The following PTPRM variants were observed in gnomAD, a reference collection of about 807,000 sequenced individuals.
PTPRM encodes the protein receptor-type tyrosine-protein phosphatase mu.
PTPRM carries 47 observed loss-of-function variants against 186.7 expected under a neutral mutation model. That is an observed-to-expected ratio of 0.25 (90% CI 0.20 to 0.32). The LOEUF is 0.32. Ranked by LOEUF, PTPRM falls within the 10% of genes least tolerant of loss-of-function variation. PTPRM has a pLI of 1.00. For synonymous variants in PTPRM, 668 were observed against 674.9 expected (o/e 0.99, Z 0.16); for missense variants, 1,494 against 1,865.0 (o/e 0.80, Z 3.66).
At chr18:8,128,066 A>C (rs2092415902) in intron 13 of PTPRM, among the ~76,000 whole-genome samples, 1 of 152,188 alleles carries the variant, frequency 6.6e-6, no homozygotes, top group Admixed American at 6.5e-5. Flanking sequence ...AGTCATTTTC[A>C]GTGTCAGAAG....
At chr18:8,130,165 C>T (rs760558023) in intron 13 of PTPRM, among the ~76,000 whole-genome samples, 8 of 152,154 alleles carry the variant, frequency 5.3e-5, no homozygotes, top group Non-Finnish European at 8.8e-5. Context: ...ATTTGGCGTT[C>T]ATTTCTGATT....
At chr18:7,707,703 C>G (rs545930651) in intron 1 of PTPRM, among the ~76,000 whole-genome samples, 1 of 152,184 alleles carries the variant, frequency 6.6e-6, no homozygotes, top group African/African-American at 2.4e-5. Flanking sequence ...TGTTCATATT[C>G]TTTGTGTTAA....
chr18:7,693,717 A>G lies in PTPRM; in HGVS notation c.74-80432A>G, dbSNP rs1598385773. ...TACAAAGTGGGAGATTGCTGCTATT[A>G]AAGGACTGAAGAAGAGAGTAAATAC... is the stretch of plus-strand genomic sequence containing the variant. On this transcript the variant is annotated intron_variant, in intron 1 of 32. Transcript: ENST00000580170. Among the ~76,000 whole-genome samples the G allele has an allele frequency of 2.0e-5, 3 of 152,180 alleles. No homozygotes were observed. The South Asian group carries it at 6.2e-4, about 32-fold the overall frequency.
chr18:8,122,157 A>G (rs996174698), intron 13 of PTPRM: 1 of 151,450 alleles, frequency 6.6e-6, no homozygotes, highest in South Asian at 2.1e-4. Context: ...TGATATACTG[A>G]TGGGGATTCT....
At chr18:8,074,176 G>A (rs550495121) in intron 8 of PTPRM, among the ~76,000 whole-genome samples, 1 of 152,054 alleles carries the variant, frequency 6.6e-6, no homozygotes, top group South Asian at 2.1e-4. Context: ...TGAAATCCTA[G>A]GCAGGCTTTC....
chr18:7,849,186 G>A (rs568619822), intron 2 of PTPRM, among the ~76,000 whole-genome samples: 2 of 152,196 alleles, frequency 1.3e-5, no homozygotes, highest in East Asian at 3.9e-4. Flanking sequence ...AAACTGTGAT[G>A]TTTTGCTCAT....
chr18:7,774,325 A>T (rs1006784335), intron 2 of PTPRM, 54 bp downstream of exon 2: 3 of 1,587,418 alleles, frequency 1.9e-6, no homozygotes, highest in Non-Finnish European at 8.6e-7. Flanking sequence ...AGTCTCAATC[A>T]TACTATGTGT....
chr18:7,802,642 C>T (rs1182188733), intron 2 of PTPRM, among the ~76,000 whole-genome samples: 1 of 152,160 alleles, frequency 6.6e-6, no homozygotes. Flanking sequence ...GGAAAGACTC[C>T]TAGATAAATC....
intron 1 of PTPRM, among the ~76,000 whole-genome samples, chr18:7,616,235 C>A (rs1394426971): frequency 6.6e-6 from 1 of 152,100 alleles, no homozygotes; most frequent in Non-Finnish European, 1.5e-5. Context: ...CTGCTCACTG[C>A]GGCCTTGACC....
intron 2 of PTPRM, among the ~76,000 whole-genome samples, chr18:7,825,027 G>C (rs2045409937): frequency 6.6e-6 from 1 of 152,162 alleles, no homozygotes; most frequent in South Asian, 2.1e-4. Context: ...TTTTCTCTTA[G>C]TTCAACTAGC....
chr18:7,997,965 A>G (rs1239537905), intron 7 of PTPRM, among the ~76,000 whole-genome samples: 1 of 152,194 alleles, frequency 6.6e-6, no homozygotes, highest in Non-Finnish European at 1.5e-5. Flanking sequence ...GGAAGGCAAT[A>G]TAGAGGTTCC....
At chr18:7,822,217 A>G (rs2045238308) in intron 2 of PTPRM, among the ~76,000 whole-genome samples, 1 of 152,236 alleles carries the variant, frequency 6.6e-6, no homozygotes, top group Non-Finnish European at 1.5e-5. Context: ...AGGTGTGTGT[A>G]TATCCAGAGC....
chr18:7,808,749 C>G (rs2044360504), intron 2 of PTPRM, among the ~76,000 whole-genome samples: 1 of 152,064 alleles, frequency 6.6e-6, no homozygotes, highest in Admixed American at 6.5e-5. Context: ...AAGTTAAACT[C>G]TAAATATAAG....
intron 22 of PTPRM, among the ~76,000 whole-genome samples, chr18:8,341,968 C>T (rs2095477609): frequency 6.6e-6 from 1 of 152,170 alleles, no homozygotes. Context: ...AGGCAGAGTG[C>T]ATGGTCCCTT....
At chr18:7,958,494 G>A (rs558972625) in intron 7 of PTPRM, among the ~76,000 whole-genome samples, 14 of 152,252 alleles carry the variant, frequency 9.2e-5, no homozygotes, top group African/African-American at 2.2e-4. Context: ...GTGTAAACTC[G>A]ACAAGATCTG....
At chr18:8,037,294 T>G (rs983993878) in intron 7 of PTPRM, among the ~76,000 whole-genome samples, 92 of 152,346 alleles carry the variant, frequency 6.0e-4, no homozygotes, top group African/African-American at 2.2e-3. Flanking sequence ...GAAATAAATT[T>G]CTTATATCTT....
chr18:8,026,016 A>C (rs1043099109), intron 7 of PTPRM, among the ~76,000 whole-genome samples: 42 of 152,244 alleles, frequency 2.8e-4, no homozygotes, highest in African/African-American at 1.0e-3. Context: ...AAGATTCATC[A>C]AGACAAAGAT....
chr18:8,120,165 T>C (rs1180222130), intron 13 of PTPRM, among the ~76,000 whole-genome samples: 1 of 152,132 alleles, frequency 6.6e-6, no homozygotes, highest in East Asian at 1.9e-4. Context: ...CCAATAAAAC[T>C]TTATTTGCAA....
chr18:8,093,092 T>C (rs1007206619), intron 11 of PTPRM, among the ~76,000 whole-genome samples: 2 of 152,158 alleles, frequency 1.3e-5, no homozygotes, highest in Non-Finnish European at 2.9e-5. Context: ...GGTTATGGTT[T>C]AGTAGTTCAA....
Sources: gnomAD v4.1 joint callset for allele counts (sites outside exome capture counted in the v4.1 genomes callset) on GRCh38, gnomAD v4.1.1 for gene constraint, MANE v1.5 for transcripts, NCBI Gene and HGNC (gene_info 2026-07-23, HGNC 2026-07-21) for gene names.